The following ACOT13 variants were observed in gnomAD, a reference collection of about 807,000 sequenced individuals.
ACOT13 encodes the protein acyl-CoA thioesterase 13, also known as acyl-coenzyme A thioesterase 13.
In ACOT13, 10 loss-of-function variants were observed where a neutral mutation model predicts 11.8. The observed-to-expected ratio is 0.85, with a 90% CI of 0.53 to 1.44. ACOT13 has a LOEUF of 1.44. Ranked by LOEUF, ACOT13 falls within the 40% of genes most tolerant of loss-of-function variation. The pLI is 0.00. For missense variants in ACOT13, 172 were observed against 174.1 expected (o/e 0.99, Z 0.07); for synonymous variants, 53 against 61.0 (o/e 0.87, Z 0.61).
chr6:24,695,566 C>G (rs1778779578), intron 1 of ACOT13, among the ~76,000 whole-genome samples: 1 of 152,228 alleles, frequency 6.6e-6, no homozygotes, highest in Admixed American at 6.5e-5. Flanking sequence ...GTTTCTTCCT[C>G]TGCAGTTTTT....
intron 1 of ACOT13, among the ~76,000 whole-genome samples, chr6:24,671,609 A>T (rs1248471094): frequency 6.6e-6 from 1 of 152,206 alleles, no homozygotes; most frequent in Non-Finnish European, 1.5e-5. Flanking sequence ...CTTAAAGTAT[A>T]ATTTAAAAAA....
intron 1 of ACOT13, among the ~76,000 whole-genome samples, chr6:24,686,990 A>C (rs570378877): frequency 3.0e-4 from 45 of 152,312 alleles, no homozygotes; most frequent in African/African-American, 1.0e-3. Context: ...ATCTATCCCC[A>C]TTACCCAAAC....
At chr6:24,668,772 C>G (rs1241329160) in intron 1 of ACOT13, among the ~76,000 whole-genome samples, 1 of 152,170 alleles carries the variant, frequency 6.6e-6, no homozygotes, top group South Asian at 2.1e-4. Context: ...TAGTTACACT[C>G]CTATGGGAAG....
chr6:24,677,978 A>G (rs1778483849), intron 1 of ACOT13, among the ~76,000 whole-genome samples: 1 of 152,206 alleles, frequency 6.6e-6, no homozygotes, highest in Admixed American at 6.5e-5. Context: ...GGTAGCAAGG[A>G]AATTTAAGAG....
chr6:24,679,761 G>A (rs1778516594), intron 1 of ACOT13, among the ~76,000 whole-genome samples: 1 of 152,158 alleles, frequency 6.6e-6, no homozygotes, highest in South Asian at 2.1e-4. Context: ...CTCATTTGGG[G>A]TTAGTGTCTG....
intron 1 of ACOT13, chr6:24,687,670 A>G: frequency 6.5e-7 from 1 of 1,534,802 alleles, no homozygotes; most frequent in African/African-American, 1.4e-5. Context: ...AAAGCATGTA[A>G]AGAAGACAGA....
chr6:24,678,213 C>T (rs1778488081), intron 1 of ACOT13, among the ~76,000 whole-genome samples: 1 of 152,162 alleles, frequency 6.6e-6, no homozygotes. Context: ...AATTGAGAGT[C>T]AGGGTGTACA....
At chr6:24,689,260 A>T (rs945993165) in intron 1 of ACOT13, among the ~76,000 whole-genome samples, 1 of 152,214 alleles carries the variant, frequency 6.6e-6, no homozygotes, top group African/African-American at 2.4e-5. Flanking sequence ...TGGTAAAAAA[A>T]ATATAGAAAT....
chr6:24,674,427 G>C (rs1303106066), intron 1 of ACOT13, among the ~76,000 whole-genome samples: 1 of 151,126 alleles, frequency 6.6e-6, no homozygotes, highest in Non-Finnish European at 1.5e-5. Context: ...TTGTTTTTTT[G>C]AGATAGAGTC....
chr6:24,692,768 A>G (rs1778737478), intron 1 of ACOT13, among the ~76,000 whole-genome samples: 1 of 152,236 alleles, frequency 6.6e-6, no homozygotes, highest in Non-Finnish European at 1.5e-5. Flanking sequence ...CTATAAGGGC[A>G]GTACAGTACA....
At chr6:24,668,018 CCTCA>C (rs1778291622) in intron 1 of ACOT13, among the ~76,000 whole-genome samples, 1 of 152,152 alleles carries the variant, frequency 6.6e-6, no homozygotes, top group Non-Finnish European at 1.5e-5. Flanking sequence ...AATTCTCCTG[CCTCA>C]CTCAGCCTCC....
At chr6:24,676,236 A>G (rs567157200) in intron 1 of ACOT13, among the ~76,000 whole-genome samples, 45 of 152,170 alleles carry the variant, frequency 3.0e-4, no homozygotes, top group Non-Finnish European at 7.4e-5. Flanking sequence ...TATGAACTTT[A>G]AAGTAGTTTT....
chr6:24,693,148 G>T (rs1778743504), intron 1 of ACOT13, among the ~76,000 whole-genome samples: 1 of 152,206 alleles, frequency 6.6e-6, no homozygotes, highest in Admixed American at 6.5e-5. Flanking sequence ...TCCATGGTCA[G>T]GGAAAATTGC....
In ACOT13 at chr6:24,703,856, G is replaced by A. The variant is rs1304519075; in HGVS notation, c.*2241G>A. Reference sequence around the variant, plus strand: ...AGCAGATGGAGAGTATACTTGAGAAGGGCGTTAAGCATGAATAAACAATTC... The same window carrying A: ...AGCAGATGGAGAGTATACTTGAGAAAGGCGTTAAGCATGAATAAACAATTC... On this transcript the variant is annotated 3_prime_UTR_variant, in exon 3 of 3. Transcript: ENST00000230048. 1 of 152,176 alleles carries A rather than the reference G, an allele frequency of 6.6e-6. No individual in the cohort carries two copies. Among genetic ancestry groups the A allele is most frequent in the Non-Finnish European group, 1.5e-5 (1 of 68,038 alleles). 9.4% of individuals were successfully genotyped at this position (152,176 alleles called of 1,614,324 possible). A position where few individuals can be genotyped will look rare whatever the true frequency, so the allele number is the denominator to read the frequency against.
At chr6:24,700,053 T>C (rs1296659417) in intron 2 of ACOT13, among the ~76,000 whole-genome samples, 1 of 152,234 alleles carries the variant, frequency 6.6e-6, no homozygotes, top group African/African-American at 2.4e-5. Flanking sequence ...CTTGACATGG[T>C]ACCAAATTTA....
intron 1 of ACOT13, among the ~76,000 whole-genome samples, chr6:24,687,209 A>G (rs960560049): frequency 4.6e-5 from 7 of 151,910 alleles, no homozygotes; most frequent in African/African-American, 1.7e-4. Flanking sequence ...ATAACTCTCC[A>G]TTTCTCCTTG....
At chr6:24,673,990 C>T (rs1268332943) in intron 1 of ACOT13, among the ~76,000 whole-genome samples, 2 of 152,148 alleles carry the variant, frequency 1.3e-5, no homozygotes, top group African/African-American at 4.8e-5. Flanking sequence ...TTTACAACAT[C>T]TCTCTTATTT....
At chr6:24,683,009 A>C (rs1463439905) in intron 1 of ACOT13, among the ~76,000 whole-genome samples, 2 of 152,162 alleles carry the variant, frequency 1.3e-5, no homozygotes, top group African/African-American at 4.8e-5. Flanking sequence ...CTAAGTTGCA[A>C]GCCCCGTGTT....
Position 24,704,102 on chromosome 6 carries a change from CCT to C in ACOT13, c.*2488_*2489del, listed in dbSNP as rs943113580. On this transcript the variant is annotated 3_prime_UTR_variant, in exon 3 of 3. Coordinates refer to ENST00000230048, the MANE Select transcript of ACOT13 (RefSeq NM_018473.4). ...TGGATGATAAAGAGTATCAACATTCCCTGAGTTTGGTAATTTTACTCTAGTTA... is the reference window on the plus strand; with the variant it reads ...TGGATGATAAAGAGTATCAACATTCCGAGTTTGGTAATTTTACTCTAGTTA... The C allele has an allele frequency of 3.9e-5, 6 of 152,052 alleles. No individual in the cohort carries two copies. Among genetic ancestry groups the C allele is most frequent in the South Asian group, 2.1e-4 (1 of 4,820 alleles). 9.4% of individuals were successfully genotyped at this position (152,052 alleles called of 1,614,324 possible). A position where few individuals can be genotyped will look rare whatever the true frequency, so the allele number is the denominator to read the frequency against.
Sources: allele counts gnomAD v4.1 joint callset (sites outside exome capture counted in the v4.1 genomes callset), GRCh38; gene constraint gnomAD v4.1.1; transcripts MANE v1.5; gene names NCBI Gene and HGNC (gene_info 2026-07-23, HGNC 2026-07-21).